Variants in HSPG2 observed in about 807,000 individuals in gnomAD.
HSPG2 encodes the protein heparan sulfate proteoglycan 2.
Under a neutral mutation model 526.6 loss-of-function variants are expected in HSPG2, and 278 were observed. The observed-to-expected ratio is 0.53, with a 90% CI of 0.48 to 0.58. The LOEUF is 0.58. Ranked by LOEUF, HSPG2 falls within the 20% of genes least tolerant of loss-of-function variation. The probability of loss-of-function intolerance (pLI) is 0.00; values close to 1 mark genes in which losing one functional copy is unlikely to be tolerated. For missense variants in HSPG2, 5,354 were observed against 6,099.5 expected, an observed-to-expected ratio of 0.88 and a Z score of 4.07; for synonymous variants, 2,465 against 2,555.4, an observed-to-expected ratio of 0.96 and a Z score of 1.07.
chr1:21,926,968 G>C (rs990225286), intron 1 of HSPG2, among the ~76,000 whole-genome samples: 6 of 152,240 alleles, frequency 3.9e-5, no homozygotes, highest in Non-Finnish European at 5.9e-5. Context: ...TTAGGAGGGG[G>C]AGGCCAGGAC....
chr1:21,841,426 G>T, intron 70 of HSPG2, 113 bp downstream of exon 70: 1 of 1,566,746 alleles, frequency 6.4e-7, no homozygotes. Context: ...CTCAGAGAGG[G>T]AGAATGCCCA....
chr1:21,933,691 G>T (rs916408402), intron 1 of HSPG2, among the ~76,000 whole-genome samples: 5 of 152,192 alleles, frequency 3.3e-5, no homozygotes, highest in Non-Finnish European at 5.9e-5. Flanking sequence ...CCTAAGGGAT[G>T]GGGGGGTGGT....
At chr1:21,878,761 C>T in intron 18 of HSPG2, 98 bp from the exon 19 acceptor site, 1 of 1,294,458 alleles carries the variant, frequency 7.7e-7, no homozygotes. Context: ...ACACAGTGTG[C>T]CACGAGGCAT....
chr1:21,854,775 G>A lies in HSPG2; in HGVS notation c.6134-10C>T. ...GGGCTGGCATCTGAGGCTGGGGCCAGAGTAGGGGTCAGCAGGCCCCAGGGG... is the reference window on the plus strand; with the variant it reads ...GGGCTGGCATCTGAGGCTGGGGCCAAAGTAGGGGTCAGCAGGCCCCAGGGG... On this transcript the variant is annotated splice_polypyrimidine_tract_variant and intron_variant, in intron 48 of 96. Transcript: ENST00000374695. The A allele has an allele frequency of 1.2e-6, 2 of 1,613,592 alleles. No homozygotes were observed. The highest frequency in any genetic ancestry group is 8.5e-7 in the Non-Finnish European group (1 of 1,179,820).
chr1:21,863,831 C>T (rs149329505), intron 37 of HSPG2, among the ~76,000 whole-genome samples: 47 of 152,144 alleles, frequency 3.1e-4, no homozygotes, highest in African/African-American at 1.1e-3. Context: ...CAAAGTGAGA[C>T]CCCATCTGTA....
intron 3 of HSPG2, among the ~76,000 whole-genome samples, chr1:21,892,969 C>T (rs1378465111): frequency 6.6e-6 from 1 of 152,110 alleles, no homozygotes; most frequent in African/African-American, 2.4e-5. Context: ...TAGGGGTGCT[C>T]TCTGGCCAGT....
chr1:21,823,975 G>A, intron 95 of HSPG2, 146 bp downstream of exon 95: 1 of 878,306 alleles, frequency 1.1e-6, no homozygotes, highest in Non-Finnish European at 1.8e-6. Context: ...GGAAGCCCGA[G>A]CCCTGGCTGG....
Position 21,843,425 on chromosome 1 carries a change from A to T in HSPG2, c.8630T>A (p.Leu2877Gln). 2 of 1,613,056 alleles carry T rather than the reference A, an allele frequency of 1.2e-6. No individual in the cohort carries two copies. Among genetic ancestry groups the T allele is most frequent in the Non-Finnish European group, 1.7e-6 (2 of 1,179,446 alleles). The part of the protein sequence containing the change: ...LPARHQVHGP[L>Q]LRLNQVSPAD... ...CGGGGACACCTGGTTCAGCCTCAGC[A>T]GTGGGCCGTGGACCTGGCCAAGGTG... Residue 2877 changes from leucine to glutamine, a missense_variant, in exon 66 of 97, where the codon CTG becomes CAG. By Grantham distance (113) the Leu-to-Gln change is moderately radical. Transcript: ENST00000374695.
In HSPG2 at chr1:21,839,660, C is replaced by G; in HGVS notation, c.9710-110G>C. 1.4e-6 allele frequency: 2 copies of G among 1,429,390 alleles called. No individual in the cohort carries two copies. The highest frequency in any genetic ancestry group is 4.9e-5 in the East Asian group (2 of 41,072). 88.5% of individuals were successfully genotyped at this position (1,429,390 alleles called of 1,614,324 possible). A position where few individuals can be genotyped will look rare whatever the true frequency, so the allele number is the denominator to read the frequency against. ...GGTGATCCTGTCCCTCTATGGGGAC[C>G]CCAGTTGGGTTCCTCGGCCATCACT... On this transcript the variant is annotated intron_variant, in intron 72 of 96. Coordinates refer to ENST00000374695, the MANE Select transcript of HSPG2 (RefSeq NM_005529.7). The surrounding 1 kb of genome is among the most constrained non-coding windows in gnomAD (Gnocchi z 4.5).
At chr1:21,896,059 T>G in intron 2 of HSPG2, 93 bp from the exon 3 acceptor site, 1 of 1,594,550 alleles carries the variant, frequency 6.3e-7, no homozygotes, top group South Asian at 1.1e-5. Flanking sequence ...TAGTATACAG[T>G]GGGACAGGGT....
At chr1:21,830,714 A>ATT in intron 85 of HSPG2, 2 of 270,380 alleles carry the variant, frequency 7.4e-6, no homozygotes, top group Non-Finnish European at 6.5e-6. Context: ...AAAAAAAAAG[A>ATT]TGGGCTGGGG....
chr1:21,877,154 T>C (rs948641065), intron 21 of HSPG2, among the ~76,000 whole-genome samples: 5 of 152,142 alleles, frequency 3.3e-5, no homozygotes, highest in Non-Finnish European at 5.9e-5. Flanking sequence ...AACAAGCACT[T>C]AGGCAAGCAT....
At chr1:21,869,491 G>A in intron 33 of HSPG2, 1 of 987,732 alleles carries the variant, frequency 1.0e-6, no homozygotes, top group Non-Finnish European at 1.2e-6. Context: ...GAAAGACAGA[G>A]AAGCTGAGGA....
At position 21,873,357 on chromosome 1, in the gene HSPG2, C is replaced by T. The variant is rs761983691; in HGVS notation, c.3793+18G>A. ...CTCTGGGTAACCCGACCCCAATGACCTCCCCAATCCTACTCACTCTGGCAT... is the reference window on the plus strand; with the variant it reads ...CTCTGGGTAACCCGACCCCAATGACTTCCCCAATCCTACTCACTCTGGCAT... On this transcript the variant is annotated intron_variant, in intron 30 of 96. Coordinates refer to ENST00000374695, the MANE Select transcript of HSPG2 (RefSeq NM_005529.7). 109 of 1,614,118 alleles carry T rather than the reference C, an allele frequency of 6.8e-5. No individual in the cohort carries two copies. The highest frequency in any genetic ancestry group is 3.3e-4 in the Middle Eastern group (2 of 6,062).
At chr1:21,908,218 G>C in intron 1 of HSPG2, 1 of 893,890 alleles carries the variant, frequency 1.1e-6, no homozygotes, top group South Asian at 1.3e-5. Flanking sequence ...TGATATTGTA[G>C]ACATCAAGGG....
rs367972840 is a variant in HSPG2, at chr1:21,862,097, C to T, written c.4759G>A (p.Ala1587Thr). ...GCACAAAGCTCGCAGAACTCCCCTG[C>T]GGCGTTGTGCTGGCATTGCTGCAGG... ...GACSQCQHNA[A>T]GEFCELCAPG... Residue 1587 changes from alanine to threonine, a missense_variant, in exon 38 of 97, where the codon GCA (alanine) becomes ACA (threonine). By Grantham distance (58) the Ala-to-Thr change is moderately conservative (BLOSUM62 0). Coordinates refer to ENST00000374695, the MANE Select transcript of HSPG2 (RefSeq NM_005529.7). The T allele has an allele frequency of 2.1e-5, 34 of 1,613,190 alleles. No individual in the cohort carries two copies. The highest frequency in any genetic ancestry group is 4.5e-5 in the East Asian group (2 of 44,898).
intron 1 of HSPG2, among the ~76,000 whole-genome samples, chr1:21,933,580 G>A (rs901400642): frequency 6.6e-6 from 1 of 152,234 alleles, no homozygotes; most frequent in East Asian, 1.9e-4. Context: ...TCCCGGGCAG[G>A]GCTTCAGACC....
At chr1:21,838,419 A>G (rs1182064612) in intron 74 of HSPG2, among the ~76,000 whole-genome samples, 1 of 152,150 alleles carries the variant, frequency 6.6e-6, no homozygotes, top group African/African-American at 2.4e-5. Flanking sequence ...TCACTCATTC[A>G]CTGTTGTCCC....
rs1344563259 is a variant in HSPG2 at position 21,875,929 on chromosome 1, T to G, written c.3117A>C (p.Leu1039=). The stretch of plus-strand genomic sequence containing the variant: ...TGGGCTCCTGGGCCACATGGTGCTC[T>G]AGGATGATGTTGTTACCTTGCAGCA... ...LVVLQGNNII[L]EHHVAQEPSP... Residue 1039 remains leucine (L), a synonymous_variant, in exon 24 of 97, where the codon CTA becomes CTC. Transcript: ENST00000374695. 6.2e-7 allele frequency: 1 copy of G among 1,614,174 alleles called. No homozygotes were observed. Among genetic ancestry groups the G allele is most frequent in the South Asian group, 1.1e-5 (1 of 91,086 alleles).
Sources: allele counts gnomAD v4.1 joint callset (sites outside exome capture counted in the v4.1 genomes callset), GRCh38; gene constraint gnomAD v4.1.1; non-coding constraint Gnocchi (gnomAD v3.1); transcripts MANE v1.5; gene names NCBI Gene and HGNC (gene_info 2026-07-23, HGNC 2026-07-21).